CDHR4: variants seen among roughly 807,000 people sequenced by gnomAD.
CDHR4 encodes cadherin-related family member 4.
CDHR4 carries 89 observed loss-of-function variants against 88.4 expected under a neutral mutation model. The observed-to-expected ratio is 1.01, with a 90% CI of 0.85 to 1.20. The LOEUF (loss-of-function observed/expected upper bound fraction) is 1.20. Ranked by LOEUF, CDHR4 falls within the 50% of genes most tolerant of loss-of-function variation. The probability of loss-of-function intolerance (pLI) is 0.00; values close to 1 mark genes in which losing one functional copy is unlikely to be tolerated. For synonymous variants in CDHR4, 368 were observed against 399.2 expected, an observed-to-expected ratio of 0.92 and a Z score of 0.93; for missense variants, 914 against 1,007.2, an observed-to-expected ratio of 0.91 and a Z score of 1.25.
intron 10 of CDHR4, among the ~76,000 whole-genome samples, 194 bp from the exon 11 acceptor site, chr3:49,794,200 T>C (rs542434368): frequency 5.3e-5 from 8 of 152,146 alleles, no homozygotes; most frequent in South Asian, 2.1e-4. Flanking sequence ...AGATTGAGAC[T>C]ATCCTGGCTA....
At chr3:49,800,026 T>C (rs1449100970), upstream of CDHR4, among the ~76,000 whole-genome samples, 1 of 152,104 alleles carries the variant, frequency 6.6e-6, no homozygotes, top group Non-Finnish European at 1.5e-5. Flanking sequence ...TTGCCCCCAT[T>C]CATTACAACT....
chr3:49,790,868 C>T lies in CDHR4; in HGVS notation c.2331G>A (p.Leu777=). ...GCCGGGCTCCTGTGTGTGTGTTAAA[C>T]AGGTAGTCTCTTCCGGTACCTAAAA... ...AQDSRTGRDY[L]FNTHTGARRW... The change falls in exon 19 of 19, where the codon CTG becomes CTA. Residue 777 remains leucine, a synonymous_variant. Transcript: ENST00000412678. 6.4e-7 allele frequency: 1 copy of T among 1,551,344 alleles called. No individual in the cohort carries two copies. The highest frequency in any genetic ancestry group is 1.2e-5 in the South Asian group (1 of 84,024).
Position 49,795,757 on chromosome 3 carries a change from C to A in CDHR4, c.718G>T (p.Ala240Ser), listed in dbSNP as rs1245597596. The change falls in exon 7 of 19, where the codon GCT (alanine) becomes TCT (serine). Residue 240 changes from alanine to serine, a missense_variant. Transcript: ENST00000412678. The surrounding 1 kb of genome is among the most constrained non-coding windows in gnomAD (Gnocchi z 5.4). ...PSSQVSFLEQ[A>S]QNITIPENLA... ...TTCTCAGGGATGGTGATATTCTGAG[C>A]CTGCTCGCTGGACCAAAAGGGGGGC... is the stretch of plus-strand genomic sequence containing the variant. 21 of 1,551,578 alleles carry A rather than the reference C, an allele frequency of 1.4e-5. No homozygotes were observed. Among genetic ancestry groups the A allele is most frequent in the East Asian group, 2.4e-5 (1 of 40,930 alleles).
intron 14 of CDHR4, 111 bp downstream of exon 14, chr3:49,792,743 T>C: frequency 6.9e-7 from 1 of 1,456,944 alleles, no homozygotes; most frequent in Non-Finnish European, 9.2e-7. Flanking sequence ...CTCCGCACTC[T>C]GCGCTTCCCT....
Position 49,790,809 on chromosome 3 carries a change from C to G in CDHR4, c.*23G>C. On this transcript the variant is annotated 3_prime_UTR_variant, in exon 19 of 19. Transcript: ENST00000412678. ...GATGGTGTGAAAAAGAAATTCCACA[C>G]ATAGTAAGACAGCTACTTGGCCTCA... 6.5e-7 allele frequency: 1 copy of G among 1,542,518 alleles called. No homozygotes were observed. The highest frequency in any genetic ancestry group is 8.7e-7 in the Non-Finnish European group (1 of 1,143,058).
rs569394183 is a variant in CDHR4, at chr3:49,795,407, C to T, written c.848-28G>A. On this transcript the variant is annotated intron_variant, in intron 7 of 18. Coordinates refer to ENST00000412678, the MANE Select transcript of CDHR4 (RefSeq NM_001007540.4). The surrounding 1 kb of genome is among the most constrained non-coding windows in gnomAD (Gnocchi z 5.4). ...GCATGGGGTGAGAGAACACAGAGGT[C>T]AGGGGTCAGGGAACACAGAGATCAG... The T allele has an allele frequency of 3.2e-6, 5 of 1,546,036 alleles. No homozygotes were observed. Among genetic ancestry groups the T allele is most frequent in the Admixed American group, 2.0e-5 (1 of 50,922 alleles).
In CDHR4 at chr3:49,795,640, A is replaced by G. The variant is rs2108283238; in HGVS notation, c.835T>C (p.Ser279Pro). The G allele has an allele frequency of 6.4e-7, 1 of 1,551,508 alleles. No individual in the cohort carries two copies. Among genetic ancestry groups the G allele is most frequent in the Non-Finnish European group, 8.7e-7 (1 of 1,146,926 alleles). The change falls in exon 7 of 19, where the codon TCC (serine) becomes CCC (proline). Residue 279 changes from serine to proline, a missense_variant. By Grantham distance (74) the Ser-to-Pro change is moderately conservative (BLOSUM62 -1). Coordinates refer to ENST00000412678, the MANE Select transcript of CDHR4 (RefSeq NM_001007540.4). The surrounding 1 kb of genome is among the most constrained non-coding windows in gnomAD (Gnocchi z 5.4). ...ILSPVPSPLF[S>P]IGRADGVVRT... ...CAACACCTCTCACCACGACCAATGG[A>G]GAAGAGTGGGCTGGGCACCGGAGAC...
chr3:49,798,780 C>A, intron 4 of CDHR4, 46 bp downstream of exon 4: 2 of 1,573,528 alleles, frequency 1.3e-6, no homozygotes, highest in Non-Finnish European at 8.7e-7. Context: ...TCTCTCCATC[C>A]CCCCACCCCC....
Position 49,796,543 on chromosome 3 carries a change from G to A in CDHR4, c.606+379C>T, listed in dbSNP as rs544187295. Among the ~76,000 whole-genome samples, 6 of 152,194 alleles carry A rather than the reference G, an allele frequency of 3.9e-5. No individual in the cohort carries two copies. The South Asian group carries it at 1.2e-3, about 32-fold the overall frequency. Reference sequence around the variant, plus strand: ...GTAGAGACGGGGTTTCTCCATGTTGGCCAGGCTGGTCTTGAACCCCTGAAC... The same window carrying A: ...GTAGAGACGGGGTTTCTCCATGTTGACCAGGCTGGTCTTGAACCCCTGAAC... On this transcript the variant is annotated intron_variant, in intron 5 of 18. Coordinates refer to ENST00000412678, the MANE Select transcript of CDHR4 (RefSeq NM_001007540.4).
rs1175251833 is a variant in CDHR4, at chr3:49,793,806, T to A, written c.1480A>T (p.Ser494Cys). Residue 494 changes from serine to cysteine, a missense_variant, in exon 11 of 19, where the codon AGC becomes TGC. Ser to Cys is a moderately radical substitution (Grantham distance 112, BLOSUM62 -1). Transcript: ENST00000412678. Reference sequence around the variant, plus strand: ...CCCAGCCCTGGGGTGGATGTACCGCTGAGACGGTCCACAGCAAAGGTGGTA... The same window carrying A: ...CCCAGCCCTGGGGTGGATGTACCGCAGAGACGGTCCACAGCAAAGGTGGTA... ...GPTTFAVDRL[S>C]GEVHLLGPLD... The A allele has an allele frequency of 6.4e-7, 1 of 1,551,756 alleles. No individual in the cohort carries two copies. The highest frequency in any genetic ancestry group is 1.4e-5 in the African/African-American group (1 of 73,178).
intron 5 of CDHR4, 103 bp from the exon 6 acceptor site, chr3:49,796,149 A>G: frequency 2.8e-6 from 2 of 725,382 alleles, no homozygotes; most frequent in Non-Finnish European, 4.4e-6. Flanking sequence ...TAGGATCTCC[A>G]AAAGGATCTT....
chr3:49,801,276 C>T (rs2081357573), upstream of CDHR4, among the ~76,000 whole-genome samples: 2 of 152,238 alleles, frequency 1.3e-5, no homozygotes, highest in Non-Finnish European at 2.9e-5. Flanking sequence ...TCCCCACATT[C>T]TCAGATTTCT....
chr3:49,793,798 T>C lies in CDHR4; in HGVS notation c.1483+5A>G. ...GTTTCCATCCCAGCCCTGGGGTGGA[T>C]GTACCGCTGAGACGGTCCACAGCAA... is the stretch of plus-strand genomic sequence containing the variant. On this transcript the variant is annotated splice_donor_5th_base_variant and intron_variant, in intron 11 of 18. Coordinates refer to ENST00000412678, the MANE Select transcript of CDHR4 (RefSeq NM_001007540.4). The C allele has an allele frequency of 6.4e-7, 1 of 1,551,694 alleles. No homozygotes were observed. The highest frequency in any genetic ancestry group is 8.7e-7 in the Non-Finnish European group (1 of 1,146,956).
intron 9 of CDHR4, 38 bp from the exon 10 acceptor site, chr3:49,794,739 C>A: frequency 6.6e-7 from 1 of 1,522,432 alleles, no homozygotes; most frequent in Middle Eastern, 1.7e-4. Context: ...CCAGCCAGGG[C>A]CTGAGAGAGC....
chr3:49,793,042 C>T lies in CDHR4; in HGVS notation c.1807G>A (p.Ala603Thr). The T allele has an allele frequency of 6.4e-7, 1 of 1,551,506 alleles. No individual in the cohort carries two copies. Among genetic ancestry groups the T allele is most frequent in the Non-Finnish European group, 8.7e-7 (1 of 1,146,994 alleles). The stretch of plus-strand genomic sequence containing the variant: ...ACAAGGTCACTGTGCACCAGGATGG[C>T]CCCTTGCAGGATGAATCGGTTCTGG... ...NSQNRFILQG[A>T]ILVHSDLVLG... Residue 603 changes from alanine (A) to threonine (T), a missense_variant, in exon 14 of 19, where the codon GCC (alanine) becomes ACC (threonine). Ala to Thr is a moderately conservative substitution (Grantham distance 58, BLOSUM62 0). Coordinates refer to ENST00000412678, the MANE Select transcript of CDHR4 (RefSeq NM_001007540.4).
upstream of CDHR4, among the ~76,000 whole-genome samples, chr3:49,800,176 C>A (rs1166220508): frequency 6.6e-6 from 1 of 152,150 alleles, no homozygotes; most frequent in African/African-American, 2.4e-5. Context: ...TCCAGCTGGA[C>A]CCCCTCCATT....
rs781314352 is a variant in CDHR4, at chr3:49,796,057, C to G, written c.607-11G>C. The stretch of plus-strand genomic sequence containing the variant: ...TTGCAGCTGGAAGACCTGTGGTGCA[C>G]CCAGAACAGAAAAGGAGCCAGATTG... On this transcript the variant is annotated splice_polypyrimidine_tract_variant and intron_variant, in intron 5 of 18. Coordinates refer to ENST00000412678, the MANE Select transcript of CDHR4 (RefSeq NM_001007540.4). The G allele has an allele frequency of 1.1e-5, 17 of 1,498,306 alleles. No homozygotes were observed. Among genetic ancestry groups the G allele is most frequent in the Non-Finnish European group, 1.4e-5 (16 of 1,124,718 alleles). 92.8% of individuals were successfully genotyped at this position (1,498,306 alleles called of 1,614,324 possible). A position where few individuals can be genotyped will look rare whatever the true frequency, so the allele number is the denominator to read the frequency against.
At chr3:49,797,084 AC>A in intron 4 of CDHR4, 52 bp from the exon 5 acceptor site, 1 of 1,445,994 alleles carries the variant, frequency 6.9e-7, no homozygotes, top group Non-Finnish European at 9.5e-7. Flanking sequence ...TGCCCTGAGC[AC>A]CCCCATCGAC....
Position 49,791,699 on chromosome 3 carries a change from G to C in CDHR4, c.2283+15C>G, listed in dbSNP as rs1016445508. On this transcript the variant is annotated intron_variant, in intron 17 of 18. Transcript: ENST00000412678. The stretch of plus-strand genomic sequence containing the variant: ...ACCCTTGGTGTCCACTACTTGAGAT[G>C]GTGAGCTGACATACCAGACTCATGA... 2.2e-5 allele frequency: 34 copies of C among 1,551,288 alleles called. No individual in the cohort carries two copies. The highest frequency in any genetic ancestry group is 2.8e-5 in the Non-Finnish European group (32 of 1,146,702).
Sources: allele counts gnomAD v4.1 joint callset (sites outside exome capture counted in the v4.1 genomes callset), GRCh38; gene constraint gnomAD v4.1.1; non-coding constraint Gnocchi (gnomAD v3.1); transcripts MANE v1.5; gene names NCBI Gene and HGNC (gene_info 2026-07-23, HGNC 2026-07-21).